The following SNX6 variants were observed in gnomAD, a reference collection of about 807,000 sequenced individuals.
SNX6 encodes sorting nexin-6.
Under a neutral mutation model 63.0 loss-of-function variants are expected in SNX6, and 34 were observed. The ratio of observed to expected loss-of-function variants is 0.54; its 90% CI spans 0.41 to 0.72. The LOEUF (loss-of-function observed/expected upper bound fraction) is 0.72, where lower values mean the gene tolerates loss of function less well. Among genes scored for constraint, SNX6 ranks in the 30% least tolerant of loss-of-function variants. The probability of loss-of-function intolerance (pLI) is 0.00; values close to 1 mark genes in which losing one functional copy is unlikely to be tolerated. For missense variants in SNX6, 398 were observed against 471.4 expected (o/e 0.84, Z 1.44); for synonymous variants, 170 against 164.2 (o/e 1.04, Z -0.27).
At chr14:34,609,212 G>A (rs139383403) in intron 3 of SNX6, among the ~76,000 whole-genome samples, 28 of 150,312 alleles carry the variant, frequency 1.9e-4, no homozygotes, top group South Asian at 1.3e-3. Flanking sequence ...TTGGCTGGGC[G>A]CGGTGGCTCA....
intron 2 of SNX6, among the ~76,000 whole-genome samples, chr14:34,624,053 T>A (rs1176321897): frequency 6.6e-6 from 1 of 152,188 alleles, no homozygotes; most frequent in Non-Finnish European, 1.5e-5. Context: ...CCAATATTTT[T>A]CAACACTATG....
intron 2 of SNX6, among the ~76,000 whole-genome samples, chr14:34,617,624 A>AG (rs1883468848): frequency 1.5e-5 from 2 of 136,010 alleles, no homozygotes; most frequent in Non-Finnish European, 3.2e-5. Flanking sequence ...AAAAAAAAAA[A>AG]AAAAAAAAAG....
chr14:34,567,782 G>A lies in SNX6; in HGVS notation c.1082-11C>T, dbSNP rs1881253168. On this transcript the variant is annotated splice_polypyrimidine_tract_variant and intron_variant, in intron 12 of 13. Transcript: ENST00000362031. ...TAAAATCTATAAGTTCTGTGAAAAA[G>A]AAATTAGGATTATTTAATTTACATA... 1 of 1,612,606 alleles carries A rather than the reference G, an allele frequency of 6.2e-7. No homozygotes were observed. Among genetic ancestry groups the A allele is most frequent in the South Asian group, 1.1e-5 (1 of 90,994 alleles).
chr14:34,568,037 T>C, intron 11 of SNX6, 24 bp from the exon 12 acceptor site: 6 of 1,602,302 alleles, frequency 3.7e-6, no homozygotes, highest in Non-Finnish European at 4.3e-6. Context: ...TGCTTCACAA[T>C]AGTATATATA....
chr14:34,606,983 T>G (rs1349318380), intron 4 of SNX6, among the ~76,000 whole-genome samples: 1 of 151,204 alleles, frequency 6.6e-6, no homozygotes, highest in Non-Finnish European at 1.5e-5. Context: ...TTTTACCATC[T>G]TGGCCAGGCT....
At chr14:34,601,185 T>G (rs2138338419) in intron 6 of SNX6, among the ~76,000 whole-genome samples, 1 of 152,098 alleles carries the variant, frequency 6.6e-6, no homozygotes, top group Middle Eastern at 3.4e-3. Context: ...AAACTCAAAT[T>G]TAAGAAACAT....
intron 5 of SNX6, chr14:34,605,395 G>T: frequency 5.4e-6 from 2 of 373,760 alleles, no homozygotes; most frequent in Non-Finnish European, 9.5e-6. Context: ...TAACTTTACA[G>T]TGGAAACAAT....
chr14:34,563,215 A>G, intron 13 of SNX6, 40 bp from the exon 14 acceptor site: 3 of 1,570,596 alleles, frequency 1.9e-6, no homozygotes, highest in Non-Finnish European at 1.7e-6. Flanking sequence ...ATTTTATTTC[A>G]AACAATTCAG....
intron 2 of SNX6, among the ~76,000 whole-genome samples, chr14:34,625,450 C>G (rs1013423926): frequency 2.6e-5 from 4 of 151,796 alleles, no homozygotes; most frequent in African/African-American, 4.8e-5. Context: ...AAGCAGTTAT[C>G]GGCCGGGCGC....
chr14:34,586,123 G>C, intron 9 of SNX6, 107 bp downstream of exon 9: 1 of 539,676 alleles, frequency 1.9e-6, no homozygotes, highest in Non-Finnish European at 3.3e-6. Context: ...GGCTGGTCTT[G>C]AACTCCTGAC....
intron 13 of SNX6, among the ~76,000 whole-genome samples, chr14:34,564,191 T>C (rs1187533531): frequency 6.6e-6 from 1 of 151,608 alleles, no homozygotes; most frequent in Admixed American, 6.6e-5. Context: ...CCACGCTGGC[T>C]AATTTTTTGT....
At chr14:34,587,126 A>G (rs1882198397) in intron 8 of SNX6, among the ~76,000 whole-genome samples, 4 of 152,114 alleles carry the variant, frequency 2.6e-5, no homozygotes, top group Non-Finnish European at 5.9e-5. Flanking sequence ...AATAATTACT[A>G]GAACTAATAA....
intron 8 of SNX6, among the ~76,000 whole-genome samples, chr14:34,591,348 G>A (rs1370409871): frequency 1.3e-5 from 2 of 152,136 alleles, no homozygotes; most frequent in East Asian, 1.9e-4. Context: ...TTATGCAGAT[G>A]TTCTAAGTGG....
chr14:34,570,801 G>GC (rs1453439304), intron 11 of SNX6, among the ~76,000 whole-genome samples: 1 of 144,154 alleles, frequency 6.9e-6, no homozygotes, highest in Non-Finnish European at 1.5e-5. Flanking sequence ...TTGGTTCACT[G>GC]CAAGTTCTGC....
chr14:34,590,772 G>A (rs925789169), intron 8 of SNX6, among the ~76,000 whole-genome samples: 3 of 152,154 alleles, frequency 2.0e-5, no homozygotes, highest in African/African-American at 4.8e-5. Flanking sequence ...CCAAGAGAAA[G>A]AAAGCATGTC....
intron 7 of SNX6, 126 bp downstream of exon 7, chr14:34,597,424 C>G: frequency 1.5e-6 from 1 of 655,792 alleles, no homozygotes; most frequent in Non-Finnish European, 2.7e-6. Flanking sequence ...TCCTCCTGTT[C>G]CTAGGACTGA....
intron 5 of SNX6, chr14:34,604,086 C>A: frequency 1.8e-6 from 2 of 1,136,892 alleles, no homozygotes; most frequent in Non-Finnish European, 1.1e-6. Context: ...AAGGAAAAGG[C>A]TTGATATTCT....
intron 9 of SNX6, 83 bp from the exon 10 acceptor site, chr14:34,581,683 T>C (rs977419523): frequency 7.7e-6 from 6 of 774,634 alleles, no homozygotes; most frequent in African/African-American, 5.1e-5. Context: ...TCCCAAACCA[T>C]ATTAATAACA....
chr14:34,608,205 G>T, intron 3 of SNX6, 65 bp from the exon 4 acceptor site: 1 of 825,380 alleles, frequency 1.2e-6, no homozygotes, highest in Non-Finnish European at 2.0e-6. Flanking sequence ...TTGAAACTGG[G>T]TCTTGCTCTG....
Sources: gnomAD v4.1 joint callset for allele counts (sites outside exome capture counted in the v4.1 genomes callset) on GRCh38, gnomAD v4.1.1 for gene constraint, MANE v1.5 for transcripts, NCBI Gene and HGNC (gene_info 2026-07-23, HGNC 2026-07-21) for gene names.